The following ZBTB7C variants were observed in gnomAD, a reference collection of about 807,000 sequenced individuals.
The protein encoded by ZBTB7C is zinc finger and BTB domain containing 7C.
In ZBTB7C, 8 loss-of-function variants were observed where a neutral mutation model predicts 25.7. The ratio of observed to expected loss-of-function variants is 0.31; its 90% CI spans 0.18 to 0.56. The LOEUF is 0.56. Ranked by LOEUF, ZBTB7C falls within the 20% of genes least tolerant of loss-of-function variation. ZBTB7C has a pLI of 0.91. For synonymous variants in ZBTB7C, 394 were observed against 369.0 expected (o/e 1.07, Z -0.78); for missense variants, 824 against 855.2 (o/e 0.96, Z 0.46).
chr18:48,084,216 C>A (rs373023731), intron 3 of ZBTB7C, among the ~76,000 whole-genome samples: 1 of 152,162 alleles, frequency 6.6e-6, no homozygotes, highest in African/African-American at 2.4e-5. Flanking sequence ...TCCGAGGCCT[C>A]ACCCTGGGTC....
chr18:48,124,425 G>A (rs952877470), intron 3 of ZBTB7C, among the ~76,000 whole-genome samples: 3 of 152,176 alleles, frequency 2.0e-5, no homozygotes, highest in Non-Finnish European at 4.4e-5. Context: ...ATGGTGTTTT[G>A]TTACTAATTA....
chr18:48,327,758 G>A lies in ZBTB7C; in HGVS notation c.-79+10416C>T, dbSNP rs112782476. ...TCTCTGACCCCTTATTGGAGGAGGAGGGGGGCACCCAAACAGCAAATCAAT... is the reference window on the plus strand; with the variant it reads ...TCTCTGACCCCTTATTGGAGGAGGAAGGGGGCACCCAAACAGCAAATCAAT... On this transcript the variant is annotated intron_variant, in intron 2 of 4. Transcript: ENST00000590800. 5.7e-3 allele frequency among the ~76,000 whole-genome samples: 857 copies of A among 150,860 alleles called. 4 individuals are homozygous for A. Among genetic ancestry groups the A allele is most frequent in the African/African-American group, 0.02 (814 of 40,198 alleles).
chr18:48,369,524 T>C (rs1356444958), intron 1 of ZBTB7C, among the ~76,000 whole-genome samples: 2 of 151,868 alleles, frequency 1.3e-5, no homozygotes, highest in Non-Finnish European at 2.9e-5. Flanking sequence ...AAAATAACAA[T>C]ATAGGCAGGT....
At chr18:48,053,778 G>C (rs2036794652) in intron 3 of ZBTB7C, among the ~76,000 whole-genome samples, 1 of 152,218 alleles carries the variant, frequency 6.6e-6, no homozygotes, top group Non-Finnish European at 1.5e-5. Context: ...AAGAGTGGGA[G>C]AGACAGTAAA....
intron 3 of ZBTB7C, among the ~76,000 whole-genome samples, chr18:48,141,452 C>G (rs1315963015): frequency 6.6e-6 from 1 of 152,002 alleles, no homozygotes; most frequent in African/African-American, 2.4e-5. Context: ...TGGCCCCAGG[C>G]AGGTATGTGT....
chr18:48,089,386 C>T (rs867626703), intron 3 of ZBTB7C, among the ~76,000 whole-genome samples: 4 of 151,376 alleles, frequency 2.6e-5, no homozygotes, highest in East Asian at 3.9e-4. Flanking sequence ...GCAGGAGAAT[C>T]GCTTGAACCC....
intron 3 of ZBTB7C, among the ~76,000 whole-genome samples, chr18:48,122,133 G>C (rs921044240): frequency 6.6e-6 from 1 of 152,198 alleles, no homozygotes; most frequent in South Asian, 2.1e-4. Context: ...AACTCTCAGA[G>C]GCTATGGAAA....
At chr18:48,110,804 G>A (rs73956492) in intron 3 of ZBTB7C, among the ~76,000 whole-genome samples, 6 of 152,086 alleles carry the variant, frequency 3.9e-5, no homozygotes, top group African/African-American at 1.5e-4. Context: ...GGAAAAGAAG[G>A]GCCCCAGGAG....
chr18:48,363,792 G>A (rs2047164822), intron 1 of ZBTB7C, among the ~76,000 whole-genome samples: 1 of 151,976 alleles, frequency 6.6e-6, no homozygotes, highest in Non-Finnish European at 1.5e-5. Flanking sequence ...CACTGGTAGG[G>A]CAACCTGCCC....
chr18:48,179,673 CTCCT>C (rs113058200), intron 3 of ZBTB7C, among the ~76,000 whole-genome samples: 44,145 of 145,834 alleles, frequency 0.3, 6,578 homozygotes, highest in Non-Finnish European at 0.32. Context: ...ATATTTCTCT[CTCCT>C]TCCTTCCTTC....
In ZBTB7C at chr18:48,029,265, T is replaced by A; in HGVS notation, c.1855A>T (p.Asn619Tyr). 1 of 1,537,604 alleles carries A rather than the reference T, an allele frequency of 6.5e-7. No individual in the cohort carries two copies. The highest frequency in any genetic ancestry group is 8.7e-7 in the Non-Finnish European group (1 of 1,148,858). The change falls in exon 5 of 5, where the codon AAC (asparagine) becomes TAC (tyrosine). Residue 619 changes from asparagine to tyrosine, a missense_variant. Transcript: ENST00000590800. ...TGGAGCCGACAGGGACCAGCCTAGTTGTTGGCTTCGGACATGGAGGCCACG... is the reference window on the plus strand; with the variant it reads ...TGGAGCCGACAGGGACCAGCCTAGTAGTTGGCTTCGGACATGGAGGCCACG... The part of the protein sequence containing the change: ...NHVASMSEAN[N>Y]
At chr18:48,203,461 G>A (rs1242498740) in intron 2 of ZBTB7C, 1 of 152,250 alleles carries the variant, frequency 6.6e-6, no homozygotes, top group Non-Finnish European at 1.5e-5. Context: ...AAAACAGCTT[G>A]GGTCCACTGT....
chr18:48,196,075 G>GT (rs2042311374), intron 2 of ZBTB7C, among the ~76,000 whole-genome samples: 1 of 152,308 alleles, frequency 6.6e-6, no homozygotes, highest in East Asian at 1.9e-4. Flanking sequence ...CTAGCTGTGG[G>GT]TATCAGTCAG....
At chr18:48,361,579 C>G (rs1231804927) in intron 1 of ZBTB7C, among the ~76,000 whole-genome samples, 1 of 152,206 alleles carries the variant, frequency 6.6e-6, no homozygotes, top group African/African-American at 2.4e-5. Context: ...ATATGCTGCT[C>G]TGGAAATTCT....
At chr18:48,227,448 G>T (rs1396893670) in intron 2 of ZBTB7C, among the ~76,000 whole-genome samples, 2 of 152,216 alleles carry the variant, frequency 1.3e-5, no homozygotes, top group African/African-American at 4.8e-5. Flanking sequence ...CTAAGGAGAA[G>T]GATGTGTCAT....
intron 3 of ZBTB7C, among the ~76,000 whole-genome samples, chr18:48,061,074 G>T (rs555781089): frequency 1.8e-4 from 27 of 152,262 alleles, no homozygotes; most frequent in African/African-American, 6.5e-4. Flanking sequence ...AGAGCAAGGG[G>T]TTTACCACGC....
intron 2 of ZBTB7C, among the ~76,000 whole-genome samples, chr18:48,288,383 T>C (rs2045119379): frequency 6.6e-6 from 1 of 151,976 alleles, no homozygotes; most frequent in Non-Finnish European, 1.5e-5. Flanking sequence ...GCACCGTGGC[T>C]CACGCCTGTA....
At chr18:48,164,888 C>A (rs1173862949) in intron 3 of ZBTB7C, among the ~76,000 whole-genome samples, 1 of 152,132 alleles carries the variant, frequency 6.6e-6, no homozygotes, top group East Asian at 1.9e-4. Context: ...TACATCCCAC[C>A]AAGTTGGGAT....
chr18:48,407,315 T>C (rs896533138), intron 1 of ZBTB7C, among the ~76,000 whole-genome samples: 2 of 152,238 alleles, frequency 1.3e-5, no homozygotes, highest in East Asian at 1.9e-4. Flanking sequence ...TCAAGCTGCA[T>C]TGTGTTACAA....
Sources: allele counts gnomAD v4.1 joint callset (sites outside exome capture counted in the v4.1 genomes callset), GRCh38; gene constraint gnomAD v4.1.1; transcripts MANE v1.5; gene names NCBI Gene and HGNC (gene_info 2026-07-23, HGNC 2026-07-21).